Variants in ABCC9 observed in about 807,000 individuals in gnomAD.
ABCC9 encodes ATP-binding cassette sub-family C member 9.
A neutral mutation model predicts 188.3 loss-of-function variants in ABCC9; 95 were observed. That is an observed-to-expected ratio of 0.50 (90% CI 0.43 to 0.60). The LOEUF (loss-of-function observed/expected upper bound fraction) is 0.60. ABCC9 is among the 20% of genes least tolerant of loss of function. The pLI, the probability that ABCC9 is intolerant of heterozygous loss-of-function variation, is 0.00. For synonymous variants in ABCC9, 659 were observed against 652.7 expected, an observed-to-expected ratio of 1.01 and a Z score of -0.15; for missense variants, 1,102 against 1,876.3, an observed-to-expected ratio of 0.59 and a Z score of 7.62.
chr12:21,801,598 C>T (rs906992697), intron 39 of ABCC9, among the ~76,000 whole-genome samples: 23 of 152,142 alleles, frequency 1.5e-4, no homozygotes, highest in African/African-American at 5.6e-4. Flanking sequence ...ATTCGAAGAA[C>T]CCTGGAAAGT....
chr12:21,830,447 C>A (rs1266434073), intron 30 of ABCC9, among the ~76,000 whole-genome samples: 1 of 152,164 alleles, frequency 6.6e-6, no homozygotes, highest in Non-Finnish European at 1.5e-5. Context: ...AAGAAATAAG[C>A]AAACTTCATC....
At chr12:21,825,643 G>C (rs115101219) in intron 31 of ABCC9, among the ~76,000 whole-genome samples, 1 of 151,654 alleles carries the variant, frequency 6.6e-6, no homozygotes, top group African/African-American at 2.4e-5. Context: ...GGATCTGTCC[G>C]GGGGTGGGGG....
At chr12:21,895,158 A>G (rs971223209) in intron 13 of ABCC9, 117 bp downstream of exon 13, 49 of 870,284 alleles carry the variant, frequency 5.6e-5, no homozygotes, top group Non-Finnish European at 7.7e-5. Flanking sequence ...GGAGACTGCC[A>G]TAGAGAGAAG....
chr12:21,906,704 A>G (rs2137841433), intron 11 of ABCC9, among the ~76,000 whole-genome samples: 1 of 152,246 alleles, frequency 6.6e-6, no homozygotes, highest in East Asian at 1.9e-4. Context: ...GAAGAAAAAT[A>G]ATAAATTTAA....
chr12:21,808,716 G>A (rs928330092), intron 37 of ABCC9, among the ~76,000 whole-genome samples: 17 of 142,526 alleles, frequency 1.2e-4, no homozygotes, highest in African/African-American at 3.4e-4. Context: ...TGTAGTATGC[G>A]ATAATCATGC....
intron 30 of ABCC9, among the ~76,000 whole-genome samples, chr12:21,832,093 C>G (rs1943793860): frequency 6.6e-6 from 1 of 152,172 alleles, no homozygotes. Flanking sequence ...CTAATGGAAA[C>G]TTTGACACAC....
chr12:21,811,745 G>C (rs1942254799), intron 36 of ABCC9, among the ~76,000 whole-genome samples: 1 of 152,152 alleles, frequency 6.6e-6, no homozygotes, highest in South Asian at 2.1e-4. Context: ...ACACAAGTTA[G>C]ACTGGATATC....
intron 22 of ABCC9, among the ~76,000 whole-genome samples, chr12:21,855,512 GCACC>G (rs1301160837): frequency 2.6e-5 from 4 of 152,180 alleles, no homozygotes; most frequent in Admixed American, 2.6e-4. Flanking sequence ...GTGAGCCACC[GCACC>G]CAGCCTAAAT....
intron 31 of ABCC9, among the ~76,000 whole-genome samples, chr12:21,819,451 C>T (rs1180402923): frequency 6.6e-6 from 1 of 152,120 alleles, no homozygotes; most frequent in East Asian, 1.9e-4. Flanking sequence ...TTAAAAACAG[C>T]TCGAAAGATC....
At position 21,812,321 on chromosome 12, in the gene ABCC9, C is replaced by A. The variant is rs112247649; in HGVS notation, c.4103-164G>T. ...CCTCAAGTATCTAGAACTAGAAACA[C>A]CGTTTGACTCAGCAATCCCATTACT... On this transcript the variant is annotated intron_variant, in intron 35 of 39. Transcript: ENST00000261200. 4.5e-4 allele frequency among the ~76,000 whole-genome samples: 69 copies of A among 152,288 alleles called. 1 individual carries two copies. The highest frequency in any genetic ancestry group is 1.6e-3 in the African/African-American group (66 of 41,568).
chr12:21,825,803 A>G (rs1024816435), intron 31 of ABCC9, among the ~76,000 whole-genome samples: 1 of 152,176 alleles, frequency 6.6e-6, no homozygotes, highest in Non-Finnish European at 1.5e-5. Context: ...TTAAAAAAAA[A>G]GATAAACAAA....
chr12:21,888,445 A>G (rs1230290849), intron 14 of ABCC9, among the ~76,000 whole-genome samples: 4 of 152,112 alleles, frequency 2.6e-5, no homozygotes, highest in Admixed American at 1.3e-4. Context: ...AGCACTATGC[A>G]TGATTCACAT....
At chr12:21,841,649 G>A (rs1196898412) in intron 29 of ABCC9, among the ~76,000 whole-genome samples, 2 of 152,040 alleles carry the variant, frequency 1.3e-5, no homozygotes, top group South Asian at 2.1e-4. Context: ...GGGCCACCAC[G>A]CCCGGCCTAT....
intron 38 of ABCC9, among the ~76,000 whole-genome samples, chr12:21,806,292 A>G (rs1941838809): frequency 6.6e-6 from 1 of 152,180 alleles, no homozygotes; most frequent in East Asian, 1.9e-4. Context: ...TGGGTGATAG[A>G]TTTATTTCCA....
chr12:21,863,615 C>T (rs1370817237), intron 19 of ABCC9, among the ~76,000 whole-genome samples: 1 of 152,116 alleles, frequency 6.6e-6, no homozygotes, highest in Admixed American at 6.6e-5. Context: ...CTGCATATTT[C>T]AAAATATATT....
At chr12:21,841,342 GTTTCCT>G (rs1407170021) in intron 29 of ABCC9, among the ~76,000 whole-genome samples, 1,218 of 115,148 alleles carry the variant, frequency 0.011, 140 homozygotes, top group South Asian at 0.016. Flanking sequence ...TATGTTTCTG[GTTTCCT>G]TTTTTTTTTT....
At chr12:21,922,975 T>A (rs1435977352) in intron 5 of ABCC9, 2 of 151,466 alleles carry the variant, frequency 1.3e-5, no homozygotes, top group Admixed American at 6.6e-5. Context: ...TAGATTAAAT[T>A]TAAATAGTCA....
chr12:21,906,088 C>T (rs1406463403), intron 12 of ABCC9, 38 bp downstream of exon 12: 4 of 1,604,498 alleles, frequency 2.5e-6, no homozygotes, highest in Non-Finnish European at 3.4e-6. Context: ...TTCTGGTTGC[C>T]CTTAAAGTCG....
At chr12:21,918,843 G>T (rs1414197650) in intron 5 of ABCC9, among the ~76,000 whole-genome samples, 1 of 152,062 alleles carries the variant, frequency 6.6e-6, no homozygotes, top group Non-Finnish European at 1.5e-5. Flanking sequence ...GTCATAAAGG[G>T]CAGGAACATC....
Sources: allele counts gnomAD v4.1 joint callset (sites outside exome capture counted in the v4.1 genomes callset), GRCh38; gene constraint gnomAD v4.1.1; transcripts MANE v1.5; gene names NCBI Gene and HGNC (gene_info 2026-07-23, HGNC 2026-07-21).